PEAK1: variants seen among roughly 807,000 people sequenced by gnomAD.
PEAK1 encodes the protein inactive tyrosine-protein kinase PEAK1.
Under a neutral mutation model 124.7 loss-of-function variants are expected in PEAK1, and 54 were observed. That is an observed-to-expected ratio of 0.43 (90% confidence interval 0.35 to 0.54). The LOEUF is 0.54. Ranked by LOEUF, PEAK1 falls within the 20% of genes least tolerant of loss-of-function variation. The pLI is 0.01. For missense variants in PEAK1, 2,046 were observed against 2,134.5 expected (o/e 0.96, Z 0.82); for synonymous variants, 719 against 760.0 (o/e 0.95, Z 0.89).
intron 2 of PEAK1, among the ~76,000 whole-genome samples, chr15:77,331,966 G>A (rs188996476): frequency 6.6e-6 from 1 of 152,114 alleles, no homozygotes; most frequent in East Asian, 2.0e-4. Context: ...GCTGGGCGAG[G>A]TGGCTCACAC....
intron 5 of PEAK1, among the ~76,000 whole-genome samples, chr15:77,272,814 A>G (rs1178358146): frequency 6.6e-6 from 1 of 152,166 alleles, no homozygotes; most frequent in Non-Finnish European, 1.5e-5. Flanking sequence ...CCAAAAAAAG[A>G]AAACTACAAA....
intron 6 of PEAK1, among the ~76,000 whole-genome samples, chr15:77,207,369 T>C (rs1442149646): frequency 6.6e-6 from 1 of 152,070 alleles, no homozygotes; most frequent in Non-Finnish European, 1.5e-5. Flanking sequence ...ACCAACAAAA[T>C]CTCAATTATG....
At chr15:77,319,288 T>C (rs368571277) in intron 2 of PEAK1, among the ~76,000 whole-genome samples, 13 of 149,870 alleles carry the variant, frequency 8.7e-5, no homozygotes, top group Non-Finnish European at 1.6e-4. Flanking sequence ...GCACCACTTA[T>C]AAAACTCAAG....
At chr15:77,125,474 A>T (rs575143172) in intron 9 of PEAK1, among the ~76,000 whole-genome samples, 1 of 152,142 alleles carries the variant, frequency 6.6e-6, no homozygotes, top group East Asian at 1.9e-4. Flanking sequence ...TGATGCTCTC[A>T]GCACTGTGTG....
chr15:77,384,966 G>A (rs2069801157), intron 1 of PEAK1, among the ~76,000 whole-genome samples: 1 of 152,120 alleles, frequency 6.6e-6, no homozygotes, highest in African/African-American at 2.4e-5. Context: ...TGTCTTCACT[G>A]TTCATCTATG....
chr15:77,134,893 C>A (rs569192309), intron 8 of PEAK1, among the ~76,000 whole-genome samples: 85 of 152,240 alleles, frequency 5.6e-4, no homozygotes, highest in African/African-American at 2.0e-3. Flanking sequence ...GGGCCCTAAT[C>A]CAATATGGCT....
At chr15:77,194,235 C>T (rs2057997622) in intron 6 of PEAK1, among the ~76,000 whole-genome samples, 1 of 152,162 alleles carries the variant, frequency 6.6e-6, no homozygotes, top group African/African-American at 2.4e-5. Context: ...ACCCATCTAG[C>T]TATAACTTGA....
intron 2 of PEAK1, chr15:77,336,044 T>G (rs1034723065): frequency 1.0e-6 from 1 of 985,242 alleles, no homozygotes; most frequent in Non-Finnish European, 1.2e-6. Context: ...TTTTTGAAGG[T>G]AAGATAACAA....
intron 2 of PEAK1, chr15:77,349,112 T>C: frequency 4.6e-6 from 3 of 647,766 alleles, no homozygotes; most frequent in Non-Finnish European, 5.7e-6. Context: ...TGATCTCGGC[T>C]CACTGCAACC....
intron 9 of PEAK1, among the ~76,000 whole-genome samples, chr15:77,124,834 C>T (rs530466834): frequency 8.5e-5 from 13 of 152,254 alleles, no homozygotes; most frequent in Non-Finnish European, 1.6e-4. Flanking sequence ...TTCCACTATT[C>T]TCTCAATGTA....
At chr15:77,349,304 G>A (rs2067067948) in intron 2 of PEAK1, 2 of 875,742 alleles carry the variant, frequency 2.3e-6, no homozygotes, top group Non-Finnish European at 2.7e-6. Flanking sequence ...CTCCCAAAGT[G>A]CTGGGATTAC....
chr15:77,172,500 T>G (rs572151851), intron 7 of PEAK1, among the ~76,000 whole-genome samples: 1 of 152,326 alleles, frequency 6.6e-6, no homozygotes, highest in South Asian at 2.1e-4. Flanking sequence ...TTTGTTTTGT[T>G]CATTCTTAAG....
chr15:77,372,695 G>A (rs1380687194), intron 1 of PEAK1, among the ~76,000 whole-genome samples: 6 of 152,092 alleles, frequency 3.9e-5, no homozygotes, highest in African/African-American at 9.7e-5. Flanking sequence ...ATGTGTCCCC[G>A]CTCAAATCTC....
At chr15:77,128,754 C>G (rs542990767) in intron 9 of PEAK1, among the ~76,000 whole-genome samples, 1 of 152,288 alleles carries the variant, frequency 6.6e-6, no homozygotes, top group African/African-American at 2.4e-5. Flanking sequence ...TGTGGTTTCA[C>G]AGGTTCACAA....
chr15:77,152,314 C>T (rs1020885120), intron 8 of PEAK1, among the ~76,000 whole-genome samples: 1 of 151,938 alleles, frequency 6.6e-6, no homozygotes, highest in African/African-American at 2.4e-5. Context: ...TATAAGAATG[C>T]TTGTGATTTT....
chr15:77,414,146 T>C (rs116951498), intron 1 of PEAK1, among the ~76,000 whole-genome samples: 1 of 93,090 alleles, frequency 1.1e-5, no homozygotes, highest in Non-Finnish European at 2.8e-5. Flanking sequence ...TTTTCTTTCT[T>C]TCCTTCCTTC....
In PEAK1 at chr15:77,392,126, TGC is replaced by T. The variant is rs200144815; in HGVS notation, c.-665-26903_-665-26902del. ...GGCCAGACTGTAGTTCATTCATTTTTGCACCCGCAGCATTTAGCACCAGGCTT... is the reference window on the plus strand; with the variant it reads ...GGCCAGACTGTAGTTCATTCATTTTTACCCGCAGCATTTAGCACCAGGCTT... On this transcript the variant is annotated intron_variant, in intron 1 of 9. Coordinates refer to ENST00000682557, the MANE Select transcript of PEAK1 (RefSeq NM_001385026.1). 3.3e-4 allele frequency among the ~76,000 whole-genome samples: 51 copies of T among 152,328 alleles called. 2 individuals are homozygous for T. In the East Asian group the frequency reaches 9.8e-3, roughly 29 times the overall value.
intron 1 of PEAK1, among the ~76,000 whole-genome samples, chr15:77,396,202 A>C (rs1467781862): frequency 6.6e-6 from 1 of 152,082 alleles, no homozygotes; most frequent in Non-Finnish European, 1.5e-5. Context: ...AGGTAGGTAG[A>C]TAGCTAGATA....
chr15:77,265,559 C>T lies in PEAK1; in HGVS notation c.-274-13033G>A, dbSNP rs183327248. 2.6e-5 allele frequency among the ~76,000 whole-genome samples: 4 copies of T among 152,118 alleles called. No homozygotes were observed. In the South Asian group the frequency reaches 8.3e-4, roughly 32 times the overall value. On this transcript the variant is annotated intron_variant, in intron 5 of 9. Coordinates refer to ENST00000682557, the MANE Select transcript of PEAK1 (RefSeq NM_001385026.1). ...TGCAAATCCAAACTGCAATGAGATACCATCTCACACCAGTTAGAATGGCGA... is the reference window on the plus strand; with the variant it reads ...TGCAAATCCAAACTGCAATGAGATATCATCTCACACCAGTTAGAATGGCGA...
Sources: gnomAD v4.1 joint callset for allele counts (sites outside exome capture counted in the v4.1 genomes callset) on GRCh38, gnomAD v4.1.1 for gene constraint, MANE v1.5 for transcripts, NCBI Gene and HGNC (gene_info 2026-07-23, HGNC 2026-07-21) for gene names.